REEP3: variants seen among roughly 807,000 people sequenced by gnomAD.
REEP3 encodes the protein receptor expression-enhancing protein 3.
In REEP3, 20 loss-of-function variants were observed where a neutral mutation model predicts 41.3. The ratio of observed to expected loss-of-function variants is 0.48; its 90% confidence interval spans 0.34 to 0.70. REEP3 has a LOEUF of 0.70. Ranked by LOEUF, REEP3 falls within the 30% of genes least tolerant of loss-of-function variation. REEP3 has a pLI of 0.01. For missense variants in REEP3, 271 were observed against 308.8 expected, an observed-to-expected ratio of 0.88 and a Z score of 0.92; for synonymous variants, 104 against 101.8, an observed-to-expected ratio of 1.02 and a Z score of -0.13.
chr10:63,610,158 C>T, intron 5 of REEP3, 29 bp from the exon 6 acceptor site: 2 of 1,581,448 alleles, frequency 1.3e-6, no homozygotes, highest in Non-Finnish European at 8.6e-7. Context: ...AATATTTTTT[C>T]TTGGACCTAT....
chr10:63,550,908 G>C (rs909169752), intron 1 of REEP3, among the ~76,000 whole-genome samples: 1 of 151,870 alleles, frequency 6.6e-6, no homozygotes, highest in Non-Finnish European at 1.5e-5. Flanking sequence ...TTAATACAAG[G>C]GTTCACAGAT....
intron 6 of REEP3, among the ~76,000 whole-genome samples, chr10:63,611,786 T>A (rs866487158): frequency 3.0e-3 from 419 of 140,094 alleles, no homozygotes; most frequent in Admixed American, 5.0e-3. Context: ...CAAAAAAAAA[T>A]TTTTTTTTTT....
At chr10:63,532,848 T>A (rs368172237) in intron 1 of REEP3, among the ~76,000 whole-genome samples, 2 of 152,074 alleles carry the variant, frequency 1.3e-5, no homozygotes, top group East Asian at 3.9e-4. Flanking sequence ...AAGGCTGCAG[T>A]GAGCTAGGAT....
chr10:63,601,644 C>T (rs1374620834), intron 5 of REEP3, among the ~76,000 whole-genome samples: 4 of 152,120 alleles, frequency 2.6e-5, no homozygotes, highest in Non-Finnish European at 4.4e-5. Context: ...AGAGGCTGGG[C>T]GTGGTGGCTC....
At chr10:63,544,745 C>G (rs1293867037) in intron 1 of REEP3, among the ~76,000 whole-genome samples, 1 of 152,134 alleles carries the variant, frequency 6.6e-6, no homozygotes, top group Non-Finnish European at 1.5e-5. Context: ...GACTTCATAA[C>G]TTGCACATAT....
intron 1 of REEP3, among the ~76,000 whole-genome samples, chr10:63,562,279 C>T (rs1306337051): frequency 4.1e-4 from 60 of 145,452 alleles, no homozygotes; most frequent in African/African-American, 1.4e-3. Flanking sequence ...TTTTTAGAGA[C>T]GGAGTCTTAC....
intron 1 of REEP3, among the ~76,000 whole-genome samples, chr10:63,523,975 G>C (rs1264186808): frequency 6.6e-6 from 1 of 152,164 alleles, no homozygotes; most frequent in Non-Finnish European, 1.5e-5. Context: ...CCTCTCTCCA[G>C]TTAAAGTACT....
At chr10:63,556,677 C>G (rs74502455) in intron 1 of REEP3, among the ~76,000 whole-genome samples, 52,609 of 121,480 alleles carry the variant, frequency 0.43, 12,374 homozygotes, top group South Asian at 0.51. Context: ...GCTCTGTCGC[C>G]CAGGCTGGAG....
At chr10:63,536,539 G>A (rs1044323423) in intron 1 of REEP3, among the ~76,000 whole-genome samples, 1 of 152,168 alleles carries the variant, frequency 6.6e-6, no homozygotes, top group Non-Finnish European at 1.5e-5. Context: ...GAAGGAGGGT[G>A]CAATGGGAGA....
intron 1 of REEP3, among the ~76,000 whole-genome samples, chr10:63,555,959 A>G (rs1028219724): frequency 5.9e-5 from 9 of 152,180 alleles, no homozygotes; most frequent in Non-Finnish European, 1.3e-4. Flanking sequence ...TTCTACAATC[A>G]GTGAAAATAA....
intron 6 of REEP3, among the ~76,000 whole-genome samples, chr10:63,613,695 G>A (rs1264128454): frequency 1.4e-4 from 21 of 152,184 alleles, no homozygotes. Context: ...GAGAAAGACT[G>A]TCTTTCAAAT....
intron 2 of REEP3, among the ~76,000 whole-genome samples, chr10:63,591,121 G>GTTTTTTTT (rs1190081980): frequency 1.0e-5 from 1 of 95,360 alleles, no homozygotes; most frequent in African/African-American, 3.8e-5. Context: ...TTGTGTTTTT[G>GTTTTTTTT]TTTTTGTTTT....
chr10:63,608,453 T>TA (rs1956248673), intron 5 of REEP3, among the ~76,000 whole-genome samples: 1 of 152,234 alleles, frequency 6.6e-6, no homozygotes, highest in Non-Finnish European at 1.5e-5. Context: ...CTCTTGAGTG[T>TA]AAAATATAAG....
At chr10:63,612,244 G>A (rs1956282168) in intron 6 of REEP3, among the ~76,000 whole-genome samples, 1 of 152,016 alleles carries the variant, frequency 6.6e-6, no homozygotes, top group Admixed American at 6.6e-5. Context: ...GTACGATCTT[G>A]GCTCACTGCA....
At chr10:63,565,656 G>A (rs1218311399) in intron 1 of REEP3, among the ~76,000 whole-genome samples, 1 of 152,116 alleles carries the variant, frequency 6.6e-6, no homozygotes, top group African/African-American at 2.4e-5. Flanking sequence ...TATACTACAC[G>A]TGGATAAATA....
At chr10:63,543,607 G>A (rs887451472) in intron 1 of REEP3, among the ~76,000 whole-genome samples, 8 of 151,930 alleles carry the variant, frequency 5.3e-5, no homozygotes, top group African/African-American at 1.9e-4. Flanking sequence ...TACGTAAATT[G>A]TGTGTACAGA....
rs2040134336 is a variant in REEP3, at chr10:63,621,030, A to G, written c.*161A>G. 1 of 495,092 alleles carries G rather than the reference A, an allele frequency of 2.0e-6. No individual in the cohort carries two copies. The highest frequency in any genetic ancestry group is 3.7e-5 in the Admixed American group (1 of 27,282). The allele number at this position is 495,092 out of a possible 1,614,324, so 30.7% of individuals were successfully genotyped here. On this transcript the variant is annotated 3_prime_UTR_variant, in exon 8 of 8. Coordinates refer to ENST00000373758, the MANE Select transcript of REEP3 (RefSeq NM_001001330.3). ...TTAAATTGTTTTTATTTCTGTAACA[A>G]TTGCTTCCAAATATTGACTACTAAA...
At chr10:63,535,964 G>A (rs1469791062) in intron 1 of REEP3, among the ~76,000 whole-genome samples, 2 of 152,118 alleles carry the variant, frequency 1.3e-5, no homozygotes, top group Non-Finnish European at 2.9e-5. Flanking sequence ...CATAGAGGAA[G>A]CAACAGATAA....
chr10:63,537,959 C>A (rs55707306), intron 1 of REEP3, among the ~76,000 whole-genome samples: 1 of 143,200 alleles, frequency 7.0e-6, no homozygotes, highest in Non-Finnish European at 1.5e-5. Context: ...TTCTTCCCCC[C>A]CCGACCCCCA....
Sources: allele counts gnomAD v4.1 joint callset (sites outside exome capture counted in the v4.1 genomes callset), GRCh38; gene constraint gnomAD v4.1.1; transcripts MANE v1.5; gene names NCBI Gene and HGNC (gene_info 2026-07-23, HGNC 2026-07-21).